The following ARHGAP40 variants were observed in gnomAD, a reference collection of about 807,000 sequenced individuals.
ARHGAP40 encodes rho GTPase-activating protein 40.
Under a neutral mutation model 73.5 loss-of-function variants are expected in ARHGAP40, and 43 were observed. That is an observed-to-expected ratio of 0.58 (90% CI 0.46 to 0.75). The LOEUF (loss-of-function observed/expected upper bound fraction) is 0.75. Ranked by LOEUF, ARHGAP40 falls within the 30% of genes least tolerant of loss-of-function variation. The probability of loss-of-function intolerance (pLI) is 0.00; values close to 1 mark genes in which losing one functional copy is unlikely to be tolerated. For missense variants in ARHGAP40, 734 were observed against 861.8 expected (o/e 0.85, Z 1.86); for synonymous variants, 300 against 352.8 (o/e 0.85, Z 1.68).
chr20:38,634,752 A>G, exon 6 of ARHGAP40: 1 of 1,301,270 alleles, frequency 7.7e-7, no homozygotes, highest in Non-Finnish European at 1.0e-6. Flanking sequence ...CTTGGACCTG[A>G]AGAGGAGCAA....
intron 9 of ARHGAP40, among the ~76,000 whole-genome samples, chr20:38,640,257 C>A (rs2089010011): frequency 6.8e-6 from 1 of 147,368 alleles, no homozygotes. Context: ...TGCTCTGTCA[C>A]CCAGGCTGGA....
At chr20:38,632,415 C>T (rs1444830642) in intron 5 of ARHGAP40, among the ~76,000 whole-genome samples, 1 of 143,776 alleles carries the variant, frequency 7.0e-6, no homozygotes, top group Non-Finnish European at 1.6e-5. Flanking sequence ...GCGCCCGCCA[C>T]CATGCCTGGC....
intron 1 of ARHGAP40, among the ~76,000 whole-genome samples, chr20:38,617,202 G>A (rs930932562): frequency 7.9e-5 from 12 of 152,152 alleles, no homozygotes; most frequent in Non-Finnish European, 1.8e-4. Context: ...CACCTCCACC[G>A]ACTCATCCCG....
chr20:38,626,185 T>C (rs751358876), intron 2 of ARHGAP40, among the ~76,000 whole-genome samples: 3 of 152,106 alleles, frequency 2.0e-5, no homozygotes, highest in Non-Finnish European at 4.4e-5. Flanking sequence ...TAAAAGCAGT[T>C]TTGTTTGAGT....
intron 6 of ARHGAP40, 45 bp downstream of exon 6, chr20:38,634,830 A>T: frequency 1.6e-6 from 2 of 1,221,240 alleles, no homozygotes; most frequent in Non-Finnish European, 2.1e-6. Flanking sequence ...CACAGTCCTC[A>T]TAGGGAGCTG....
chr20:38,619,952 A>G (rs111547915), intron 1 of ARHGAP40, among the ~76,000 whole-genome samples: 2,218 of 152,166 alleles, frequency 0.015, 50 homozygotes, highest in African/African-American at 0.049. Flanking sequence ...TGTGCCTATA[A>G]TTCTAGCTAC....
intron 7 of ARHGAP40, among the ~76,000 whole-genome samples, chr20:38,638,103 A>G (rs2088989187): frequency 1.3e-5 from 2 of 151,792 alleles, no homozygotes; most frequent in Non-Finnish European, 2.9e-5. Context: ...AGGTCAGGAT[A>G]TCAAGACCAT....
At chr20:38,626,150 A>C (rs2088897968) in intron 2 of ARHGAP40, among the ~76,000 whole-genome samples, 1 of 152,176 alleles carries the variant, frequency 6.6e-6, no homozygotes, top group Non-Finnish European at 1.5e-5. Context: ...GAAGACTTGG[A>C]TTATTTGCAA....
intron 10 of ARHGAP40, among the ~76,000 whole-genome samples, chr20:38,642,386 A>G (rs1430405151): frequency 1.3e-5 from 2 of 152,198 alleles, no homozygotes; most frequent in Admixed American, 6.5e-5. Flanking sequence ...ATGTGCCTCC[A>G]GGATCAGCCT....
At chr20:38,643,740 G>A in exon 11 of ARHGAP40, 1 of 1,305,880 alleles carries the variant, frequency 7.7e-7, no homozygotes, top group Middle Eastern at 2.1e-4. Context: ...GGTGGCCCGG[G>A]AACAGCACAA....
chr20:38,644,668 CATCA>C (rs2089040796), intron 11 of ARHGAP40, among the ~76,000 whole-genome samples: 1 of 145,492 alleles, frequency 6.9e-6, no homozygotes, highest in Non-Finnish European at 1.5e-5. Context: ...CTTACCCACC[CATCA>C]ATCCATTAAT....
chr20:38,639,823 A>G (rs190301620), intron 9 of ARHGAP40, among the ~76,000 whole-genome samples: 1 of 152,366 alleles, frequency 6.6e-6, no homozygotes, highest in East Asian at 1.9e-4. Context: ...TGCTGTATGT[A>G]TAGTCTGCAT....
At chr20:38,604,684 G>A (rs945797635) in intron 1 of ARHGAP40, among the ~76,000 whole-genome samples, 1 of 152,060 alleles carries the variant, frequency 6.6e-6, no homozygotes, top group Non-Finnish European at 1.5e-5. Context: ...GTGAGCCAAT[G>A]CGCCTGGCCC....
At chr20:38,612,864 G>A (rs1301503844) in intron 1 of ARHGAP40, among the ~76,000 whole-genome samples, 1 of 152,184 alleles carries the variant, frequency 6.6e-6, no homozygotes, top group Non-Finnish European at 1.5e-5. Flanking sequence ...AGTGACTCAG[G>A]AAGGGACACA....
chr20:38,638,719 T>A, intron 7 of ARHGAP40, 42 bp from the exon 8 acceptor site: 3 of 1,280,848 alleles, frequency 2.3e-6, no homozygotes, highest in Non-Finnish European at 3.1e-6. Context: ...ATCCTGCTTT[T>A]CAGCGGTTCC....
intron 9 of ARHGAP40, among the ~76,000 whole-genome samples, chr20:38,640,125 C>T (rs374316537): frequency 0.6 from 85,637 of 143,544 alleles, 25,693 homozygotes; most frequent in South Asian, 0.68. Context: ...CCTCTTCTTC[C>T]TCTTCTTTCT....
intron 1 of ARHGAP40, among the ~76,000 whole-genome samples, chr20:38,610,382 T>C (rs1282335289): frequency 1.3e-5 from 2 of 152,164 alleles, no homozygotes; most frequent in African/African-American, 2.4e-5. Context: ...GTGAGGATTG[T>C]GGAACCAAGG....
intron 1 of ARHGAP40, among the ~76,000 whole-genome samples, chr20:38,604,220 T>C (rs529312528): frequency 6.2e-4 from 94 of 152,312 alleles, no homozygotes; most frequent in African/African-American, 2.2e-3. Context: ...CCTTGTGATC[T>C]TTGAGGCAAT....
chr20:38,645,965 G>A lies in ARHGAP40; in HGVS notation c.1570-82G>A, dbSNP rs16987466. 6,238 of 1,175,214 alleles carry A rather than the reference G, an allele frequency of 5.3e-3. 244 individuals are homozygous for A. In the African/African-American group the frequency reaches 0.088, roughly 17 times the overall value. The allele number at this position is 1,175,214 out of a possible 1,614,324, so 72.8% of individuals were successfully genotyped here. On this transcript the variant is annotated intron_variant, in intron 11 of 14. Coordinates refer to ENST00000373345, the Ensembl canonical transcript of ARHGAP40. Reference sequence around the variant, plus strand: ...TGTGGGACGCTGGGCCAGGGAAGAGGCCACGATGACCCTGGAGAGGGCTCT... The same window carrying A: ...TGTGGGACGCTGGGCCAGGGAAGAGACCACGATGACCCTGGAGAGGGCTCT...
Sources: gnomAD v4.1 joint callset for allele counts (sites outside exome capture counted in the v4.1 genomes callset) on GRCh38, gnomAD v4.1.1 for gene constraint, MANE v1.5 for transcripts, NCBI Gene and HGNC (gene_info 2026-07-23, HGNC 2026-07-21) for gene names.